The following TTLL4 variants were observed in gnomAD, a reference collection of about 807,000 sequenced individuals.
TTLL4 encodes tubulin monoglutamylase TTLL4.
Under a neutral mutation model 122.7 loss-of-function variants are expected in TTLL4, and 85 were observed. The observed-to-expected ratio is 0.69, with a 90% CI of 0.58 to 0.83. The LOEUF (loss-of-function observed/expected upper bound fraction) is 0.83, where lower values mean the gene tolerates loss of function less well. Among genes scored for constraint, TTLL4 ranks in the 40% least tolerant of loss-of-function variants. The pLI is 0.00. For synonymous variants in TTLL4, 553 were observed against 563.0 expected, an observed-to-expected ratio of 0.98 and a Z score of 0.25; for missense variants, 1,363 against 1,488.6, an observed-to-expected ratio of 0.92 and a Z score of 1.39.
At chr2:218,752,696 TTCTTGAGTC>T in intron 16 of TTLL4, 58 bp from the exon 17 acceptor site, 5 of 1,571,944 alleles carry the variant, frequency 3.2e-6, no homozygotes, top group East Asian at 2.2e-5. Flanking sequence ...GTTCCCCAGC[TTCTTGAGTC>T]TCTGCCCCTG....
At chr2:218,751,092 A>C (rs1284053666) in intron 15 of TTLL4, among the ~76,000 whole-genome samples, 1 of 152,206 alleles carries the variant, frequency 6.6e-6, no homozygotes, top group Non-Finnish European at 1.5e-5. Flanking sequence ...GAGTGGTAGG[A>C]CTGGAATTCA....
At chr2:218,734,840 G>A (rs1942473696) in intron 2 of TTLL4, among the ~76,000 whole-genome samples, 2 of 152,174 alleles carry the variant, frequency 1.3e-5, no homozygotes, top group South Asian at 4.1e-4. Context: ...CTCGTAAAGT[G>A]AATGGCAGGA....
intron 6 of TTLL4, 197 bp from the exon 7 acceptor site, chr2:218,745,494 C>T: frequency 3.1e-6 from 2 of 636,998 alleles, no homozygotes; most frequent in South Asian, 4.0e-5. Flanking sequence ...TTCAGTCTTC[C>T]CTTTCTTTGT....
At chr2:218,731,553 A>T (rs1575167604) in intron 2 of TTLL4, among the ~76,000 whole-genome samples, 1 of 152,214 alleles carries the variant, frequency 6.6e-6, no homozygotes, top group Non-Finnish European at 1.5e-5. Flanking sequence ...ATCACAGCTT[A>T]TGAAGGGGCA....
At chr2:218,749,663 T>G (rs1942964219) in intron 14 of TTLL4, among the ~76,000 whole-genome samples, 1 of 152,146 alleles carries the variant, frequency 6.6e-6, no homozygotes, top group Non-Finnish European at 1.5e-5. Context: ...GAGACAGGGT[T>G]TCACTGTATT....
At position 218,717,344 on chromosome 2, in the gene TTLL4, C is replaced by A. The variant is rs1318854412; in HGVS notation, c.-178+6307C>A. 4.6e-5 allele frequency among the ~76,000 whole-genome samples: 7 copies of A among 152,068 alleles called. No homozygotes were observed. The East Asian group carries it at 1.3e-3, about 29-fold the overall frequency. On this transcript the variant is annotated intron_variant, in intron 1 of 19. Transcript: ENST00000392102. ...TTAGGGTCCCCTCAGGGTCTGTGGACCATGCTTTGAGAACTGCTGCTCCAG... is the reference window on the plus strand; with the variant it reads ...TTAGGGTCCCCTCAGGGTCTGTGGAACATGCTTTGAGAACTGCTGCTCCAG...
intron 1 of TTLL4, among the ~76,000 whole-genome samples, chr2:218,724,428 C>G (rs1007762457): frequency 1.3e-5 from 2 of 152,130 alleles, no homozygotes; most frequent in African/African-American, 4.8e-5. Context: ...GCCTACCCTT[C>G]CCCCTACTCT....
In TTLL4 at chr2:218,754,063, A is replaced by T. The variant is rs1235956944; in HGVS notation, c.3345-71A>T. 1.3e-5 allele frequency: 21 copies of T among 1,594,044 alleles called. No homozygotes were observed. In the South Asian group the frequency reaches 2.4e-4, roughly 18 times the overall value. On this transcript the variant is annotated intron_variant, in intron 19 of 19. Coordinates refer to ENST00000392102, the MANE Select transcript of TTLL4 (RefSeq NM_014640.5). The stretch of plus-strand genomic sequence containing the variant: ...GTCGTGAATGCCTGCTCCAGACTGA[A>T]GGCAAATCCTAAGGTAAAGTCTCAG...
intron 2 of TTLL4, among the ~76,000 whole-genome samples, chr2:218,729,920 T>C (rs1327960917): frequency 6.6e-6 from 1 of 152,140 alleles, no homozygotes; most frequent in African/African-American, 2.4e-5. Flanking sequence ...TTTTTAAAAT[T>C]TTTTGTAGAG....
In TTLL4 at chr2:218,754,217, C is replaced by T. The variant is rs755611985; in HGVS notation, c.3428C>T (p.Ser1143Phe). Residue 1143 changes from serine to phenylalanine, a missense_variant, in exon 20 of 20, where the codon TCC becomes TTC. Around this residue, in one of 3 missense-constraint regions of TTLL4, gnomAD observed 596 missense variants for 655.8 expected, o/e 0.91. Coordinates refer to ENST00000392102, the MANE Select transcript of TTLL4 (RefSeq NM_014640.5). ...TCCAAGAAGACTCAAGCTGGCCTTT[C>T]CCCTTATCCCCAGAAACCCAGTTCC... is the stretch of plus-strand genomic sequence containing the variant. ...PKSKKTQAGLSPYPQKPSSSK... is the reference protein window; with the variant it reads ...PKSKKTQAGLFPYPQKPSSSK... 2.5e-6 allele frequency: 4 copies of T among 1,614,214 alleles called. No individual in the cohort carries two copies. In the African/African-American group the frequency reaches 5.3e-5, roughly 22 times the overall value.
At position 218,745,403 on chromosome 2, in the gene TTLL4, C is replaced by G. The variant is rs1034338739; in HGVS notation, c.1786+170C>G. The G allele has an allele frequency of 4.9e-6, 4 of 813,342 alleles. No homozygotes were observed. The African/African-American group carries it at 7.0e-5, about 14-fold the overall frequency. The allele number at this position is 813,342 out of a possible 1,614,324, so 50.4% of individuals were successfully genotyped here. On this transcript the variant is annotated intron_variant, in intron 6 of 19. Transcript: ENST00000392102. The stretch of plus-strand genomic sequence containing the variant: ...GTCGTAGGTCTGATGCAACCTTTTT[C>G]TTGTCTGTCCTTTAGCTGACCCTTT...
Position 218,751,824 on chromosome 2 carries a change from C to T in TTLL4, c.2976+18C>T, listed in dbSNP as rs746109281. ...CTGATCAGGTAGGAGATTGGTCTTC[C>T]CCCCAGTGCTAGCAGAAAACTTCCC... is the stretch of plus-strand genomic sequence containing the variant. On this transcript the variant is annotated intron_variant, in intron 16 of 19. Coordinates refer to ENST00000392102, the MANE Select transcript of TTLL4 (RefSeq NM_014640.5). 4.4e-6 allele frequency: 7 copies of T among 1,601,548 alleles called. No individual in the cohort carries two copies. In the African/African-American group the frequency reaches 8.1e-5, roughly 18 times the overall value.
intron 15 of TTLL4, 114 bp from the exon 16 acceptor site, chr2:218,751,590 A>G: frequency 1.4e-6 from 2 of 1,405,176 alleles, no homozygotes; most frequent in Non-Finnish European, 1.9e-6. Context: ...CTCTGTTCAT[A>G]CATCTTTGTC....
chr2:218,731,698 G>C (rs1274434035), intron 2 of TTLL4, among the ~76,000 whole-genome samples: 2 of 152,156 alleles, frequency 1.3e-5, no homozygotes, highest in Non-Finnish European at 2.9e-5. Flanking sequence ...AACTTCAGTC[G>C]GGGTATGGTA....
chr2:218,727,081 T>G (rs776375588), intron 1 of TTLL4, among the ~76,000 whole-genome samples, 188 bp from the exon 2 acceptor site: 5 of 152,244 alleles, frequency 3.3e-5, no homozygotes, highest in Non-Finnish European at 7.3e-5. Flanking sequence ...AGTGCTGGGA[T>G]TACAGGTGTG....
chr2:218,739,169 T>C lies in TTLL4; in HGVS notation c.1487+6T>C. The C allele has an allele frequency of 6.2e-7, 1 of 1,605,466 alleles. No homozygotes were observed. Among genetic ancestry groups the C allele is most frequent in the Non-Finnish European group, 8.5e-7 (1 of 1,177,290 alleles). ...TCATCTGATAGGGATATTAGGTATG[T>C]TGGCAATGTTTTTGGTTCATTTAGA... On this transcript the variant is annotated splice_donor_region_variant and intron_variant, in intron 3 of 19. Coordinates refer to ENST00000392102, the MANE Select transcript of TTLL4 (RefSeq NM_014640.5).
At chr2:218,751,354 C>T (rs911461570) in intron 15 of TTLL4, among the ~76,000 whole-genome samples, 1 of 152,062 alleles carries the variant, frequency 6.6e-6, no homozygotes, top group Non-Finnish European at 1.5e-5. Flanking sequence ...AAGTCAGTTG[C>T]CCAGGGTCAC....
intron 1 of TTLL4, among the ~76,000 whole-genome samples, chr2:218,720,870 A>C (rs2106396608): frequency 6.6e-6 from 1 of 152,220 alleles, no homozygotes; most frequent in Middle Eastern, 3.4e-3. Flanking sequence ...AGAGGGTTGG[A>C]ACTTTCAGTT....
chr2:218,756,660 A>AT (rs1270422000), downstream of TTLL4, among the ~76,000 whole-genome samples: 1 of 152,192 alleles, frequency 6.6e-6, no homozygotes, highest in East Asian at 1.9e-4. Context: ...AAGGAATGAG[A>AT]TTTTTTTGGG....
Sources: gnomAD v4.1 joint callset for allele counts (sites outside exome capture counted in the v4.1 genomes callset) on GRCh38, gnomAD v4.1.1 for gene constraint, gnomAD v4.1.1 regional missense constraint, MANE v1.5 for transcripts, NCBI Gene and HGNC (gene_info 2026-07-23, HGNC 2026-07-21) for gene names.